The following C8B variants were observed in gnomAD, a reference collection of about 807,000 sequenced individuals.
C8B encodes the protein complement C8 beta chain, also known as complement component C8 beta chain.
C8B carries 67 observed loss-of-function variants against 64.6 expected under a neutral mutation model. The observed-to-expected ratio is 1.04, with a 90% CI of 0.85 to 1.27. C8B has a LOEUF of 1.27. Among genes scored for constraint, C8B ranks in the 50% most tolerant of loss-of-function variants. The pLI is 0.00. For synonymous variants in C8B, 284 were observed against 257.7 expected (o/e 1.10, Z -0.98); for missense variants, 790 against 725.2 (o/e 1.09, Z -1.03).
intron 9 of C8B, among the ~76,000 whole-genome samples, chr1:56,936,645 A>G (rs1644780886): frequency 6.8e-6 from 1 of 146,670 alleles, no homozygotes; most frequent in African/African-American, 2.5e-5. Flanking sequence ...CCCAGGCTGG[A>G]GTGCAATGGC....
Position 56,945,898 on chromosome 1 carries a change from TGG to T in C8B, c.1026_1027del (p.His343LeufsTer12), listed in dbSNP as rs757617732. 2 of 1,614,154 alleles carry T rather than the reference TGG, an allele frequency of 1.2e-6. No homozygotes were observed. Among genetic ancestry groups the T allele is most frequent in the Non-Finnish European group, 1.7e-6 (2 of 1,180,016 alleles). ...CCCAAGCACAGCCTCTGTGATGTAGTGGGTCCCAAAATCACGGAAGAGATCTC... is the reference window on the plus strand; with the variant it reads ...CCCAAGCACAGCCTCTGTGATGTAGTGTCCCAAAATCACGGAAGAGATCTC... On this transcript the variant is annotated frameshift_variant, in exon 7 of 12. Transcript: ENST00000371237. LOFTEE classifies it high-confidence loss of function.
chr1:56,954,894 G>A, intron 3 of C8B, 67 bp from the exon 4 acceptor site: 3 of 1,595,136 alleles, frequency 1.9e-6, no homozygotes, highest in Non-Finnish European at 1.7e-6. Context: ...CATAGTATAA[G>A]CACCTACCAA....
At chr1:56,955,038 ATT>A (rs974059625) in intron 3 of C8B, among the ~76,000 whole-genome samples, 1 of 152,180 alleles carries the variant, frequency 6.6e-6, no homozygotes, top group African/African-American at 2.4e-5. Context: ...CCAGTGTTGT[ATT>A]CCAGAAAGCA....
intron 4 of C8B, among the ~76,000 whole-genome samples, chr1:56,954,016 G>C (rs1219809810): frequency 6.6e-6 from 1 of 152,200 alleles, no homozygotes; most frequent in Non-Finnish European, 1.5e-5. Flanking sequence ...TTCGGGGTCA[G>C]TGTTCCCCTC....
Position 56,940,840 on chromosome 1 carries a change from G to C in C8B, c.1398+9C>G, listed in dbSNP as rs116348786. The C allele has an allele frequency of 6.2e-7, 1 of 1,613,836 alleles. No individual in the cohort carries two copies. The highest frequency in any genetic ancestry group is 2.2e-5 in the East Asian group (1 of 44,872). Reference sequence around the variant, plus strand: ...TGGAGGAAAGGATGGGTAGAGCAGCGTTGTGTACCTTAACTTTGATGATGG... The same window carrying C: ...TGGAGGAAAGGATGGGTAGAGCAGCCTTGTGTACCTTAACTTTGATGATGG... On this transcript the variant is annotated intron_variant, in intron 9 of 11. Transcript: ENST00000371237.
chr1:56,943,887 T>C (rs1644902868), intron 7 of C8B, 63 bp from the exon 8 acceptor site: 1 of 1,595,138 alleles, frequency 6.3e-7, no homozygotes, highest in South Asian at 1.1e-5. Context: ...CCTTTTCCTA[T>C]GATCGAGTCC....
rs201549005 is a variant in C8B, at chr1:56,938,186, G to C, written c.1398+2663C>G. On this transcript the variant is annotated intron_variant, in intron 9 of 11. Transcript: ENST00000371237. Reference sequence around the variant, plus strand: ...TCTCTGTTTTAAGCTTTCTACTCCTGTACTCTCTGTCTATCGTATTTCTTT... The same window carrying C: ...TCTCTGTTTTAAGCTTTCTACTCCTCTACTCTCTGTCTATCGTATTTCTTT... Among the ~76,000 whole-genome samples, 18 of 152,252 alleles carry C rather than the reference G, an allele frequency of 1.2e-4. No homozygotes were observed. In the East Asian group the frequency reaches 3.5e-3, roughly 29 times the overall value.
At chr1:56,957,274 G>T (rs910467214) in intron 2 of C8B, among the ~76,000 whole-genome samples, 15 of 152,102 alleles carry the variant, frequency 9.9e-5, no homozygotes, top group African/African-American at 3.6e-4. Flanking sequence ...CATGTAGCCA[G>T]TTCAATAACA....
At chr1:56,957,472 C>T (rs915045302) in intron 2 of C8B, among the ~76,000 whole-genome samples, 1 of 152,126 alleles carries the variant, frequency 6.6e-6, no homozygotes, top group African/African-American at 2.4e-5. Flanking sequence ...ATTTACCCAT[C>T]TGTAAAATAG....
chr1:56,945,662 G>A (rs1644929805), intron 7 of C8B, among the ~76,000 whole-genome samples, 159 bp downstream of exon 7: 1 of 152,212 alleles, frequency 6.6e-6, no homozygotes, highest in South Asian at 2.1e-4. Flanking sequence ...AGGGAGCTAG[G>A]CAGAGGAGGA....
Position 56,956,771 on chromosome 1 carries a change from G to A in C8B, c.389C>T (p.Thr130Ile). 2 of 1,613,890 alleles carry A rather than the reference G, an allele frequency of 1.2e-6. No homozygotes were observed. Among genetic ancestry groups the A allele is most frequent in the Non-Finnish European group, 1.7e-6 (2 of 1,179,928 alleles). Reference protein sequence around the residue: ...VRCEGFVCAQTGRCVNRRLLC... With the variant: ...VRCEGFVCAQIGRCVNRRLLC... Reference sequence around the variant, plus strand: ...CTTACTCCTACATTGATTTATACCTGTCTGTGCACACACAAAGCCTTCACA... The same window carrying A: ...CTTACTCCTACATTGATTTATACCTATCTGTGCACACACAAAGCCTTCACA... Residue 130 changes from threonine to isoleucine, a missense_variant and splice_region_variant, in exon 3 of 12, where the codon ACA becomes ATA. Transcript: ENST00000371237.
chr1:56,940,730 T>C, intron 9 of C8B, 119 bp downstream of exon 9: 6 of 1,049,004 alleles, frequency 5.7e-6, no homozygotes, highest in Non-Finnish European at 8.9e-6. Flanking sequence ...ATCGTATATG[T>C]GTCCCAAAAT....
intron 10 of C8B, 148 bp downstream of exon 10, chr1:56,933,187 A>T (rs1369229543): frequency 1.4e-6 from 1 of 735,554 alleles, no homozygotes; most frequent in Non-Finnish European, 2.4e-6. Context: ...CCTTGGGGCT[A>T]GAACCCAGGT....
Position 56,940,967 on chromosome 1 carries a change from AC to A in C8B, c.1279del (p.Val427TyrfsTer22). ...DTMVEDLVVL[V>X]RGGASEHITT... ...GATGTGCTCACTTGCCCCTCCTCGT[AC>A]CAGGACCACCAAGTCCTCCACCATG... On this transcript the variant is annotated frameshift_variant, in exon 9 of 12. Transcript: ENST00000371237. LOFTEE classifies it high-confidence loss of function. 2 of 1,614,036 alleles carry A rather than the reference AC, an allele frequency of 1.2e-6. No individual in the cohort carries two copies. The highest frequency in any genetic ancestry group is 1.7e-6 in the Non-Finnish European group (2 of 1,180,002).
chr1:56,931,548 A>T, intron 11 of C8B: 1 of 417,688 alleles, frequency 2.4e-6, no homozygotes, highest in Non-Finnish European at 4.6e-6. Flanking sequence ...TTCCAGAATG[A>T]TCCAAAGAGA....
chr1:56,938,626 G>A (rs1644806472), intron 9 of C8B, among the ~76,000 whole-genome samples: 2 of 152,104 alleles, frequency 1.3e-5, no homozygotes, highest in South Asian at 4.1e-4. Flanking sequence ...TATGTCTAAA[G>A]TTTACCGCTA....
Position 56,933,482 on chromosome 1 carries a change from G to A in C8B, c.1405C>T (p.Pro469Ser), listed in dbSNP as rs142870813. 6.7e-5 allele frequency: 108 copies of A among 1,613,498 alleles called. No individual in the cohort carries two copies. The highest frequency in any genetic ancestry group is 1.3e-4 in the Admixed American group (8 of 60,002). ...GTGGCTGTCACTAGTTCATACAGAG[G>A]CTCCACCTGGAAAGGGAAAAGGGCA... ...NPAIIKVKVE[P>S]LYELVTATDF... Residue 469 changes from proline to serine, a missense_variant, in exon 10 of 12, where the codon CCT becomes TCT. By Grantham distance (74) the Pro-to-Ser change is moderately conservative. Coordinates refer to ENST00000371237, the MANE Select transcript of C8B (RefSeq NM_000066.4).
intron 11 of C8B, 45 bp downstream of exon 11, chr1:56,931,765 A>C (rs745776299): frequency 7.4e-7 from 1 of 1,345,004 alleles, no homozygotes; most frequent in East Asian, 2.3e-5. Flanking sequence ...CTTCTGGTGA[A>C]TTATTCTCTG....
chr1:56,964,777 A>AG, intron 1 of C8B, among the ~76,000 whole-genome samples: 1 of 152,286 alleles, frequency 6.6e-6, no homozygotes, highest in East Asian at 1.9e-4. Flanking sequence ...AGCTCCACCC[A>AG]GGGGCACAAT....
Sources: gnomAD v4.1 joint callset for allele counts (sites outside exome capture counted in the v4.1 genomes callset) on GRCh38, gnomAD v4.1.1 for gene constraint, MANE v1.5 for transcripts, NCBI Gene and HGNC (gene_info 2026-07-23, HGNC 2026-07-21) for gene names.